DPP8: variants seen among roughly 807,000 people sequenced by gnomAD.
The protein encoded by DPP8 is DPP VIII.
Under a neutral mutation model 107.5 loss-of-function variants are expected in DPP8, and 31 were observed. The observed-to-expected ratio is 0.29, with a 90% CI of 0.22 to 0.39. The LOEUF is 0.39. DPP8 is among the 10% of genes least tolerant of loss of function. The pLI is 1.00. For missense variants in DPP8, 842 were observed against 1,076.1 expected, an observed-to-expected ratio of 0.78 and a Z score of 3.04; for synonymous variants, 381 against 356.6, an observed-to-expected ratio of 1.07 and a Z score of -0.77.
intron 11 of DPP8, among the ~76,000 whole-genome samples, chr15:65,475,061 TAA>T (rs2066258712): frequency 6.6e-6 from 1 of 152,244 alleles, no homozygotes; most frequent in Non-Finnish European, 1.5e-5. Flanking sequence ...TTTCTTTTTG[TAA>T]AACTTTCCCA....
intron 12 of DPP8, among the ~76,000 whole-genome samples, chr15:65,470,793 C>T (rs2065816545): frequency 6.6e-6 from 1 of 151,900 alleles, no homozygotes; most frequent in African/African-American, 2.4e-5. Flanking sequence ...GTGGTGTATG[C>T]CTGTAATCCC....
In DPP8 at chr15:65,447,004, G is replaced by C; in HGVS notation, c.2529C>G (p.Ile843Met). 1 of 1,553,228 alleles carries C rather than the reference G, an allele frequency of 6.4e-7. No homozygotes were observed. Among genetic ancestry groups the C allele is most frequent in the Non-Finnish European group, 8.7e-7 (1 of 1,155,438 alleles). ...TTATGCTGTGTCTCTCCTGAGGATA[G>C]ATCTTACCAACAACAAAAAATAAAG... ...VRAGKPYDLQ[I>M]YPQERHSIRV... The change falls in exon 20 of 20, where the codon ATC becomes ATG. Residue 843 changes from isoleucine (I) to methionine (M), a missense_variant and splice_region_variant. By Grantham distance (10) the Ile-to-Met change is conservative. This residue lies in a region of DPP8 where 179 missense variants were observed against 318.0 expected (regional missense o/e 0.56). Transcript: ENST00000300141.
Position 65,450,984 on chromosome 15 carries a change from T to C in DPP8, c.2526+15A>G, listed in dbSNP as rs372999318. On this transcript the variant is annotated intron_variant, in intron 19 of 19. Transcript: ENST00000300141. ...ATCATGACTGCATTTAACTAGAAAA[T>C]GTAGAGTAACTCACCTGTAAATCAT... 35 of 1,430,288 alleles carry C rather than the reference T, an allele frequency of 2.4e-5. No individual in the cohort carries two copies. The South Asian group carries it at 3.1e-4, about 13-fold the overall frequency. The allele number at this position is 1,430,288 out of a possible 1,614,324, so 88.6% of individuals were successfully genotyped here.
chr15:65,476,230 G>GT (rs1394122405), intron 11 of DPP8, among the ~76,000 whole-genome samples: 1 of 151,904 alleles, frequency 6.6e-6, no homozygotes, highest in East Asian at 1.9e-4. Context: ...AGGGTTCCAC[G>GT]TAAGTTTAAA....
chr15:65,487,496 A>C (rs2067560980), intron 7 of DPP8, among the ~76,000 whole-genome samples, 194 bp downstream of exon 7: 1 of 152,176 alleles, frequency 6.6e-6, no homozygotes, highest in Non-Finnish European at 1.5e-5. Flanking sequence ...TTGTGTAGAC[A>C]TCCCTACCTT....
At chr15:65,448,865 A>ATATAT (rs2063706587) in intron 19 of DPP8, among the ~76,000 whole-genome samples, 2 of 53,314 alleles carry the variant, frequency 3.8e-5, no homozygotes, top group East Asian at 3.2e-4. Flanking sequence ...ATATATCTAA[A>ATATAT]ATATATATAT....
chr15:65,444,400 G>C lies in DPP8; in HGVS notation c.*2484C>G, dbSNP rs1432641742. The C allele has an allele frequency of 6.6e-6, 1 of 152,132 alleles. No individual in the cohort carries two copies. The highest frequency in any genetic ancestry group is 2.4e-5 in the African/African-American group (1 of 41,420). 9.4% of individuals were successfully genotyped at this position (152,132 alleles called of 1,614,324 possible). A position where few individuals can be genotyped will look rare whatever the true frequency, so the allele number is the denominator to read the frequency against. On this transcript the variant is annotated 3_prime_UTR_variant, in exon 20 of 20. Transcript: ENST00000300141. ...AAAACGTAGTATGATATTTAACCTA[G>C]TGCTTTTTGGCTCCCACTAAACTGT... is the stretch of plus-strand genomic sequence containing the variant.
chr15:65,512,756 TA>T (rs1048345352), intron 1 of DPP8, 192 bp from the exon 2 acceptor site: 166 of 594,884 alleles, frequency 2.8e-4, no homozygotes, highest in African/African-American at 1.1e-3. Context: ...AAAATGAAAT[TA>T]AAAAAAAATT....
At chr15:65,462,768 T>C (rs975110801) in intron 15 of DPP8, among the ~76,000 whole-genome samples, 2 of 152,062 alleles carry the variant, frequency 1.3e-5, no homozygotes, top group Admixed American at 6.6e-5. Flanking sequence ...TTAGTAGCGA[T>C]AGGGTTTCAT....
rs556105590 is a variant in DPP8 at position 65,457,601 on chromosome 15, T to C, written c.1972-1230A>G. On this transcript the variant is annotated intron_variant, in intron 15 of 19. Coordinates refer to ENST00000300141, the MANE Select transcript of DPP8 (RefSeq NM_130434.5). Reference sequence around the variant, plus strand: ...TTATGTTTGCTTATTATTTTCCCTTTATGGTCCATGAAGTGGAATATTAGT... The same window carrying C: ...TTATGTTTGCTTATTATTTTCCCTTCATGGTCCATGAAGTGGAATATTAGT... Among the ~76,000 whole-genome samples, 50 of 152,240 alleles carry C rather than the reference T, an allele frequency of 3.3e-4. No individual in the cohort carries two copies. The South Asian group carries it at 9.1e-3, about 28-fold the overall frequency.
chr15:65,506,017 A>G (rs974845113), intron 3 of DPP8, among the ~76,000 whole-genome samples: 2 of 151,016 alleles, frequency 1.3e-5, no homozygotes, highest in South Asian at 2.1e-4. Flanking sequence ...GAAACAGCAC[A>G]TTCATGTTAT....
At chr15:65,450,736 T>G (rs1369935509) in intron 19 of DPP8, 3 of 291,554 alleles carry the variant, frequency 1.0e-5, no homozygotes, top group Non-Finnish European at 1.9e-5. Context: ...ATGGACTTCC[T>G]GTCATCTTTT....
intron 12 of DPP8, among the ~76,000 whole-genome samples, chr15:65,469,614 T>C (rs1419611562): frequency 2.1e-5 from 3 of 141,350 alleles, no homozygotes; most frequent in Non-Finnish European, 4.5e-5. Context: ...GATCATGCCA[T>C]TGCACTCTAG....
rs1386074760 is a variant in DPP8, at chr15:65,446,018, G to A, written c.*866C>T. The A allele has an allele frequency of 6.6e-6, 1 of 151,612 alleles. No individual in the cohort carries two copies. Among genetic ancestry groups the A allele is most frequent in the African/African-American group, 2.4e-5 (1 of 41,250 alleles). 9.4% of individuals were successfully genotyped at this position (151,612 alleles called of 1,614,324 possible). A position where few individuals can be genotyped will look rare whatever the true frequency, so the allele number is the denominator to read the frequency against. On this transcript the variant is annotated 3_prime_UTR_variant, in exon 20 of 20. Transcript: ENST00000300141. The stretch of plus-strand genomic sequence containing the variant: ...AATAAGGAAATACCAAATGGAAACT[G>A]GCACCACTAAATTTTCTGAAGAATT...
intron 10 of DPP8, 67 bp downstream of exon 10, chr15:65,480,155 C>T (rs2066783366): frequency 1.4e-6 from 2 of 1,415,740 alleles, no homozygotes; most frequent in Non-Finnish European, 1.9e-6. Flanking sequence ...TGATAGTTTG[C>T]TATATAACTT....
At chr15:65,506,434 C>A (rs986713300) in intron 3 of DPP8, among the ~76,000 whole-genome samples, 19 of 151,746 alleles carry the variant, frequency 1.3e-4, no homozygotes, top group Admixed American at 1.1e-3. Context: ...GGGATATTTT[C>A]AACAATTTAC....
intron 15 of DPP8, among the ~76,000 whole-genome samples, chr15:65,460,431 A>C (rs528390210): frequency 1.3e-5 from 2 of 151,790 alleles, no homozygotes; most frequent in South Asian, 4.2e-4. Flanking sequence ...AGACAGAGCG[A>C]GACTGTCTCA....
rs1166493197 is a variant in DPP8, at chr15:65,488,603, C to CAAAAAAA, written c.827-792_827-786dup. On this transcript the variant is annotated intron_variant, in intron 6 of 19. Transcript: ENST00000300141. ...AGCCTGCACAACAGAGACCCTGCCT[C>CAAAAAAA]AAAAAAAAAAAAAAAAAAAAAAAAA... 2.9e-3 allele frequency among the ~76,000 whole-genome samples: 129 copies of CAAAAAAA among 45,254 alleles called. 1 individual carries two copies. Among genetic ancestry groups the CAAAAAAA allele is most frequent in the African/African-American group, 0.011 (125 of 11,842 alleles). 29.7% of individuals were successfully genotyped at this position (45,254 alleles called of 152,430 possible).
chr15:65,481,110 G>C (rs2066890522), intron 9 of DPP8, among the ~76,000 whole-genome samples: 1 of 151,748 alleles, frequency 6.6e-6, no homozygotes, highest in East Asian at 1.9e-4. Flanking sequence ...TCTCCCTTTA[G>C]TATCAATGTC....
Sources: gnomAD v4.1 joint callset for allele counts (sites outside exome capture counted in the v4.1 genomes callset) on GRCh38, gnomAD v4.1.1 for gene constraint, gnomAD v4.1.1 regional missense constraint, MANE v1.5 for transcripts, NCBI Gene and HGNC (gene_info 2026-07-23, HGNC 2026-07-21) for gene names.